Variants in FHIT observed in about 807,000 individuals in gnomAD.
FHIT encodes the protein bis(5'-adenosyl)-triphosphatase.
Under a neutral mutation model 17.9 loss-of-function variants are expected in FHIT, and 19 were observed. The ratio of observed to expected loss-of-function variants is 1.06; its 90% CI spans 0.74 to 1.56. FHIT has a LOEUF of 1.56. FHIT is among the 40% of genes most tolerant of loss of function. The probability of loss-of-function intolerance (pLI) is 0.00; values close to 1 mark genes in which losing one functional copy is unlikely to be tolerated. For synonymous variants in FHIT, 81 were observed against 69.7 expected, an observed-to-expected ratio of 1.16 and a Z score of -0.81; for missense variants, 248 against 189.2, an observed-to-expected ratio of 1.31 and a Z score of -1.82.
intron 5 of FHIT, among the ~76,000 whole-genome samples, chr3:60,266,806 A>G (rs1488153570): frequency 1.3e-5 from 2 of 152,118 alleles, no homozygotes; most frequent in Non-Finnish European, 2.9e-5. Context: ...GAATACCAGA[A>G]GTGCATGAAC....
intron 3 of FHIT, among the ~76,000 whole-genome samples, chr3:60,868,670 G>A (rs782541350): frequency 6.6e-6 from 1 of 152,012 alleles, no homozygotes; most frequent in Non-Finnish European, 1.5e-5. Context: ...TCTTCAATAA[G>A]GATATGGCGA....
chr3:60,550,126 G>A (rs2036496779), intron 4 of FHIT, among the ~76,000 whole-genome samples: 1 of 152,168 alleles, frequency 6.6e-6, no homozygotes, highest in Admixed American at 6.5e-5. Flanking sequence ...GATGAACCTT[G>A]AGAGGAACAA....
At chr3:60,417,239 A>T (rs565037622) in intron 5 of FHIT, among the ~76,000 whole-genome samples, 7 of 152,304 alleles carry the variant, frequency 4.6e-5, no homozygotes, top group Non-Finnish European at 7.3e-5. Context: ...ATCACATACA[A>T]TTGTAAGAGA....
chr3:60,625,128 T>G (rs1388207584), intron 4 of FHIT, among the ~76,000 whole-genome samples: 2 of 152,178 alleles, frequency 1.3e-5, no homozygotes, highest in African/African-American at 4.8e-5. Context: ...AGACTGGTCT[T>G]GAACTTCTGA....
chr3:60,846,217 T>C (rs1224139991), intron 3 of FHIT, among the ~76,000 whole-genome samples: 1 of 152,158 alleles, frequency 6.6e-6, no homozygotes, highest in Non-Finnish European at 1.5e-5. Context: ...TGAAGCTAAA[T>C]TAAAAGGTTA....
chr3:60,406,031 A>G (rs150566486), intron 5 of FHIT, among the ~76,000 whole-genome samples: 6 of 152,320 alleles, frequency 3.9e-5, no homozygotes, highest in African/African-American at 1.4e-4. Context: ...CTCAATTATT[A>G]TTAGATATTT....
chr3:60,473,390 G>A (rs765183430), intron 5 of FHIT, among the ~76,000 whole-genome samples: 29 of 152,144 alleles, frequency 1.9e-4, no homozygotes, highest in Non-Finnish European at 3.5e-4. Context: ...AAGAGAGAGG[G>A]ACAATCTGAA....
In FHIT at chr3:60,827,176, G is replaced by T. The variant is rs180943100; in HGVS notation, c.-110-5165C>A. Among the ~76,000 whole-genome samples the T allele has an allele frequency of 4.2e-4, 64 of 152,288 alleles. 1 individual carries two copies. The East Asian group carries it at 0.011, about 27-fold the overall frequency. Reference sequence around the variant, plus strand: ...AGAGTCTGTGAAGGCAAAAAAGTTTGCAGGAAAGTTCAGTAATCATGAAGT... The same window carrying T: ...AGAGTCTGTGAAGGCAAAAAAGTTTTCAGGAAAGTTCAGTAATCATGAAGT... On this transcript the variant is annotated intron_variant, in intron 3 of 9. Transcript: ENST00000492590.
intron 5 of FHIT, among the ~76,000 whole-genome samples, chr3:60,382,460 G>T (rs1178282384): frequency 6.6e-6 from 1 of 152,106 alleles, no homozygotes; most frequent in African/African-American, 2.4e-5. Flanking sequence ...TCACAATCTG[G>T]GTCTAATCTG....
At chr3:60,491,829 A>T (rs1559488671) in intron 5 of FHIT, among the ~76,000 whole-genome samples, 1 of 151,652 alleles carries the variant, frequency 6.6e-6, no homozygotes, top group Non-Finnish European at 1.5e-5. Context: ...ATTTCCTTAA[A>T]TTTTTTTTTA....
At chr3:60,575,221 A>T (rs2037525357) in intron 4 of FHIT, among the ~76,000 whole-genome samples, 1 of 152,192 alleles carries the variant, frequency 6.6e-6, no homozygotes, top group Admixed American at 6.5e-5. Flanking sequence ...AGTAAGAAAC[A>T]TGAGTAGGTA....
chr3:60,900,407 G>C (rs1291875110), intron 3 of FHIT, among the ~76,000 whole-genome samples: 3 of 150,984 alleles, frequency 2.0e-5, no homozygotes, highest in African/African-American at 7.3e-5. Context: ...CTGTACTCCA[G>C]TCTGAGCTAC....
chr3:60,595,592 T>C (rs1158582071), intron 4 of FHIT, among the ~76,000 whole-genome samples: 1 of 150,052 alleles, frequency 6.7e-6, no homozygotes, highest in Non-Finnish European at 1.5e-5. Flanking sequence ...CATACGTATG[T>C]GTATATACGT....
chr3:59,993,672 G>A (rs377639610), intron 7 of FHIT, among the ~76,000 whole-genome samples: 15 of 151,926 alleles, frequency 9.9e-5, no homozygotes, highest in Admixed American at 3.3e-4. Flanking sequence ...TGATGAGGCC[G>A]GCGCCACCAA....
intron 8 of FHIT, among the ~76,000 whole-genome samples, chr3:59,887,374 G>C (rs1465678925): frequency 6.6e-6 from 1 of 152,146 alleles, no homozygotes; most frequent in Non-Finnish European, 1.5e-5. Flanking sequence ...GGACTAGAAA[G>C]TTTCAGAACA....
chr3:59,866,788 C>T (rs1003818672), intron 8 of FHIT, among the ~76,000 whole-genome samples: 1 of 152,106 alleles, frequency 6.6e-6, no homozygotes, highest in African/African-American at 2.4e-5. Flanking sequence ...TTCTGGCCAA[C>T]TGACTTAGCA....
chr3:60,697,456 G>A (rs2041140717), intron 4 of FHIT, among the ~76,000 whole-genome samples: 1 of 152,064 alleles, frequency 6.6e-6, no homozygotes, highest in Non-Finnish European at 1.5e-5. Flanking sequence ...TATTTAAATA[G>A]TATGTTTCAT....
intron 5 of FHIT, among the ~76,000 whole-genome samples, chr3:60,130,710 G>A (rs1380890453): frequency 2.6e-5 from 4 of 151,224 alleles, no homozygotes; most frequent in African/African-American, 9.7e-5. Context: ...GTAAGCCCTG[G>A]CATATTTGTT....
At position 59,870,546 on chromosome 3, in the gene FHIT, G is replaced by T. The variant is rs139041238; in HGVS notation, c.348+51800C>A. 5.0e-3 allele frequency among the ~76,000 whole-genome samples: 762 copies of T among 152,266 alleles called. 3 individuals carry two copies. Among genetic ancestry groups the T allele is most frequent in the African/African-American group, 0.017 (717 of 41,540 alleles). Reference sequence around the variant, plus strand: ...ACTGGGCTGGCTCCTTTTGGCAGTGGTGATTGCTTTCTCAGATGTCTTAAT... The same window carrying T: ...ACTGGGCTGGCTCCTTTTGGCAGTGTTGATTGCTTTCTCAGATGTCTTAAT... On this transcript the variant is annotated intron_variant, in intron 8 of 9. Coordinates refer to ENST00000492590, the MANE Select transcript of FHIT (RefSeq NM_002012.4).
Sources: allele counts gnomAD v4.1 joint callset (sites outside exome capture counted in the v4.1 genomes callset), GRCh38; gene constraint gnomAD v4.1.1; transcripts MANE v1.5; gene names NCBI Gene and HGNC (gene_info 2026-07-23, HGNC 2026-07-21).